PTPRO: variants seen among roughly 807,000 people sequenced by gnomAD.
PTPRO encodes the protein protein tyrosine phosphatase receptor type O, also known as receptor-type tyrosine-protein phosphatase O.
A neutral mutation model predicts 145.2 loss-of-function variants in PTPRO; 62 were observed. The observed-to-expected ratio is 0.43, with a 90% confidence interval of 0.35 to 0.53. PTPRO has a LOEUF of 0.53. PTPRO is among the 20% of genes least tolerant of loss of function. PTPRO has a pLI of 0.01. For missense variants in PTPRO, 1,345 were observed against 1,482.7 expected (o/e 0.91, Z 1.53); for synonymous variants, 565 against 514.7 (o/e 1.10, Z -1.32).
intron 1 of PTPRO, among the ~76,000 whole-genome samples, chr12:15,438,637 C>T (rs1940667663): frequency 1.3e-5 from 2 of 151,744 alleles, no homozygotes; most frequent in Non-Finnish European, 2.9e-5. Flanking sequence ...GTCTTTTGAA[C>T]TAACCCAATA....
At chr12:15,412,211 ACTC>A (rs1304455585) in intron 1 of PTPRO, among the ~76,000 whole-genome samples, 80 of 152,224 alleles carry the variant, frequency 5.3e-4, no homozygotes, top group African/African-American at 1.9e-3. Flanking sequence ...CCTAAGGGCT[ACTC>A]CTCCTTTTGA....
chr12:15,538,804 C>A (rs905064460), intron 12 of PTPRO, among the ~76,000 whole-genome samples: 5 of 152,138 alleles, frequency 3.3e-5, no homozygotes, highest in African/African-American at 1.2e-4. Flanking sequence ...TAATAAGGAC[C>A]CTTGATTAGG....
intron 12 of PTPRO, among the ~76,000 whole-genome samples, chr12:15,532,038 A>C (rs1249116630): frequency 6.6e-6 from 1 of 152,312 alleles, no homozygotes; most frequent in East Asian, 1.9e-4. Context: ...AAAATCTAAA[A>C]AACAAAAAAT....
chr12:15,322,858 G>C lies in PTPRO; in HGVS notation c.75+57G>C. 1 of 1,559,642 alleles carries C rather than the reference G, an allele frequency of 6.4e-7. No homozygotes were observed. Among genetic ancestry groups the C allele is most frequent in the Non-Finnish European group, 8.7e-7 (1 of 1,146,640 alleles). On this transcript the variant is annotated intron_variant, in intron 1 of 26. Transcript: ENST00000281171. This position sits in a 1 kb window ranked among gnomAD's most constrained non-coding sequence, Gnocchi z 6.3. The stretch of plus-strand genomic sequence containing the variant: ...CGGTCCGGGCGGCAGCCGCGCTCCG[G>C]CGCCCTCGCTCTGCCGTTGGGAGCG...
chr12:15,577,022 C>T (rs1277612212), intron 19 of PTPRO, among the ~76,000 whole-genome samples: 1 of 152,040 alleles, frequency 6.6e-6, no homozygotes, highest in Non-Finnish European at 1.5e-5. Flanking sequence ...TTGCTTCTTA[C>T]AAGAAAAATA....
At chr12:15,460,427 T>C (rs1941275707) in intron 1 of PTPRO, among the ~76,000 whole-genome samples, 1 of 152,216 alleles carries the variant, frequency 6.6e-6, no homozygotes, top group South Asian at 2.1e-4. Flanking sequence ...AGTATGTTTG[T>C]GACTAAATGC....
At chr12:15,341,845 T>C (rs1867000759) in intron 1 of PTPRO, among the ~76,000 whole-genome samples, 2 of 152,198 alleles carry the variant, frequency 1.3e-5, no homozygotes, top group Admixed American at 6.5e-5. Context: ...AAAGCAAAGA[T>C]TACCTGCCTG....
chr12:15,354,978 T>A (rs1240801633), intron 1 of PTPRO, among the ~76,000 whole-genome samples: 1 of 152,176 alleles, frequency 6.6e-6, no homozygotes, highest in Non-Finnish European at 1.5e-5. Context: ...TTCCCCCCAA[T>A]ACATTTTCCC....
chr12:15,389,009 T>C (rs1939111381), intron 1 of PTPRO, among the ~76,000 whole-genome samples: 1 of 152,132 alleles, frequency 6.6e-6, no homozygotes, highest in Admixed American at 6.5e-5. Flanking sequence ...TGTCTTTTTA[T>C]CTATTTTGAT....
At chr12:15,518,295 C>T (rs1256959489) in intron 9 of PTPRO, among the ~76,000 whole-genome samples, 1 of 152,230 alleles carries the variant, frequency 6.6e-6, no homozygotes, top group Non-Finnish European at 1.5e-5. Flanking sequence ...GCTGCAGCAG[C>T]TGGGATGCAG....
chr12:15,344,131 G>A (rs1720446344), intron 1 of PTPRO, among the ~76,000 whole-genome samples: 1 of 152,166 alleles, frequency 6.6e-6, no homozygotes. Flanking sequence ...GTCACTTGAA[G>A]AACACAAGAA....
intron 2 of PTPRO, among the ~76,000 whole-genome samples, chr12:15,487,104 A>G (rs1941904164): frequency 6.6e-6 from 1 of 151,994 alleles, no homozygotes; most frequent in Non-Finnish European, 1.5e-5. Context: ...CCAGCAATAG[A>G]CTGCTGTTGC....
At chr12:15,442,418 C>T (rs1168289120) in intron 1 of PTPRO, among the ~76,000 whole-genome samples, 1 of 152,106 alleles carries the variant, frequency 6.6e-6, no homozygotes, top group Non-Finnish European at 1.5e-5. Context: ...TGGAATCATT[C>T]CCCTTGAGAA....
intron 1 of PTPRO, among the ~76,000 whole-genome samples, chr12:15,390,876 A>C (rs1350015920): frequency 2.0e-5 from 3 of 152,212 alleles, no homozygotes. Flanking sequence ...TATTTCTCAC[A>C]AGCATGAAGT....
At chr12:15,553,481 A>G (rs1338026697) in intron 15 of PTPRO, among the ~76,000 whole-genome samples, 2 of 152,026 alleles carry the variant, frequency 1.3e-5, no homozygotes, top group Non-Finnish European at 2.9e-5. Flanking sequence ...CAGTGGCAAG[A>G]ACAGCTGGTG....
chr12:15,348,977 A>G (rs74544123), intron 1 of PTPRO, among the ~76,000 whole-genome samples: 1,963 of 152,350 alleles, frequency 0.013, 43 homozygotes, highest in African/African-American at 0.045. Flanking sequence ...CACTGGGCTA[A>G]ATGCTTGGGA....
At chr12:15,398,892 G>A (rs1238638963) in intron 1 of PTPRO, among the ~76,000 whole-genome samples, 1 of 152,108 alleles carries the variant, frequency 6.6e-6, no homozygotes, top group Non-Finnish European at 1.5e-5. Flanking sequence ...TCTCTTTAGA[G>A]TGCGGCTCAA....
rs192460501 is a variant in PTPRO, at chr12:15,568,712, G to C, written c.2748-705G>C. Among the ~76,000 whole-genome samples, 429 of 152,272 alleles carry C rather than the reference G, an allele frequency of 2.8e-3. 1 individual carries two copies. The highest frequency in any genetic ancestry group is 5.4e-3 in the Admixed American group (82 of 15,298). On this transcript the variant is annotated intron_variant, in intron 18 of 26. Coordinates refer to ENST00000281171, the MANE Select transcript of PTPRO (RefSeq NM_030667.3). ...AAAAAAAAGTGAGAACTTCTGCTGC[G>C]GATGCAGAAACATAGCTCAGATGTG...
At chr12:15,407,593 A>AGGT (rs1939682522) in intron 1 of PTPRO, among the ~76,000 whole-genome samples, 1 of 149,904 alleles carries the variant, frequency 6.7e-6, no homozygotes, top group Non-Finnish European at 1.5e-5. Flanking sequence ...TGTATTGTGT[A>AGGT]ACCAGCTTAT....
Sources: allele counts gnomAD v4.1 joint callset (sites outside exome capture counted in the v4.1 genomes callset), GRCh38; gene constraint gnomAD v4.1.1; non-coding constraint Gnocchi (gnomAD v3.1); transcripts MANE v1.5; gene names NCBI Gene and HGNC (gene_info 2026-07-23, HGNC 2026-07-21).